MAP3K7: variants seen among roughly 807,000 people sequenced by gnomAD.
The protein encoded by MAP3K7 is mitogen-activated protein kinase kinase kinase 7.
In MAP3K7, 21 loss-of-function variants were observed where a neutral mutation model predicts 84.8. The ratio of observed to expected loss-of-function variants is 0.25; its 90% confidence interval spans 0.18 to 0.36. MAP3K7 has a LOEUF of 0.36. Among genes scored for constraint, MAP3K7 ranks in the 10% least tolerant of loss-of-function variants. The pLI is 1.00. For synonymous variants in MAP3K7, 241 were observed against 247.7 expected (o/e 0.97, Z 0.25); for missense variants, 503 against 747.7 (o/e 0.67, Z 3.82).
chr6:90,518,646 TA>T lies in MAP3K7; in HGVS notation c.1525-85del, dbSNP rs1194461587. On this transcript the variant is annotated intron_variant, in intron 15 of 16. Transcript: ENST00000369329. Reference sequence around the variant, plus strand: ...ATGAGAGTCAAGACAGAGACTGTGATATATTTTTATAGCACTAAAGCAATGA... The same window carrying T: ...ATGAGAGTCAAGACAGAGACTGTGATTATTTTTATAGCACTAAAGCAATGA... The T allele has an allele frequency of 1.4e-4, 98 of 722,746 alleles. 1 individual carries two copies. The Middle Eastern group carries it at 2.0e-3, about 14-fold the overall frequency. 44.8% of individuals were successfully genotyped at this position (722,746 alleles called of 1,614,324 possible).
chr6:90,579,441 C>T (rs575359949), intron 1 of MAP3K7, among the ~76,000 whole-genome samples: 31 of 152,210 alleles, frequency 2.0e-4, no homozygotes, highest in African/African-American at 7.2e-4. Flanking sequence ...AGGGTTCTGT[C>T]CTTGGCCCTT....
At chr6:90,576,575 A>T (rs1777091027) in intron 1 of MAP3K7, among the ~76,000 whole-genome samples, 1 of 152,202 alleles carries the variant, frequency 6.6e-6, no homozygotes, top group Non-Finnish European at 1.5e-5. Flanking sequence ...GCGCTATTTT[A>T]GGCACTGATG....
At chr6:90,574,754 T>G (rs971009518) in intron 1 of MAP3K7, among the ~76,000 whole-genome samples, 1 of 152,158 alleles carries the variant, frequency 6.6e-6, no homozygotes, top group African/African-American at 2.4e-5. Flanking sequence ...CACCTAGTGA[T>G]GAGAGTAGAG....
At chr6:90,573,740 T>A (rs2127985766) in intron 1 of MAP3K7, among the ~76,000 whole-genome samples, 1 of 152,380 alleles carries the variant, frequency 6.6e-6, no homozygotes, top group East Asian at 1.9e-4. Flanking sequence ...GAGCACCTAA[T>A]GATGAACATA....
At chr6:90,533,294 CAA>C (rs1775565250) in intron 13 of MAP3K7, among the ~76,000 whole-genome samples, 2 of 152,170 alleles carry the variant, frequency 1.3e-5, no homozygotes, top group African/African-American at 4.8e-5. Flanking sequence ...GCCCTCTAGC[CAA>C]AGACTGCCAG....
chr6:90,577,569 T>C (rs909553342), intron 1 of MAP3K7, among the ~76,000 whole-genome samples: 1 of 151,616 alleles, frequency 6.6e-6, no homozygotes, highest in Non-Finnish European at 1.5e-5. Context: ...GGAGAAGGAA[T>C]GGGCAAGGAA....
At chr6:90,541,953 AG>A in intron 12 of MAP3K7, among the ~76,000 whole-genome samples, 1 of 152,098 alleles carries the variant, frequency 6.6e-6, no homozygotes, top group Admixed American at 6.6e-5. Flanking sequence ...ACTTGGCCAA[AG>A]GGAAGTATTA....
intron 3 of MAP3K7, among the ~76,000 whole-genome samples, chr6:90,565,790 T>C (rs901335185): frequency 2.0e-5 from 3 of 152,168 alleles, no homozygotes; most frequent in African/African-American, 7.2e-5. Context: ...ATATCCCTGA[T>C]GAACATCGAT....
chr6:90,585,047 C>A (rs939016357), intron 1 of MAP3K7, among the ~76,000 whole-genome samples: 1 of 152,096 alleles, frequency 6.6e-6, no homozygotes, highest in Admixed American at 6.5e-5. Context: ...ACTAGGTTTC[C>A]TAATATGTGT....
intron 1 of MAP3K7, among the ~76,000 whole-genome samples, chr6:90,578,818 C>T (rs1347775679): frequency 1.3e-5 from 2 of 152,112 alleles, no homozygotes; most frequent in Non-Finnish European, 2.9e-5. Context: ...CTTCTCATTC[C>T]TTTCTTCAAG....
chr6:90,555,006 C>T (rs917580810), intron 6 of MAP3K7, among the ~76,000 whole-genome samples: 3 of 152,140 alleles, frequency 2.0e-5, no homozygotes, highest in Non-Finnish European at 2.9e-5. Flanking sequence ...TAAGCTATAA[C>T]CAGAGTCTGA....
intron 2 of MAP3K7, among the ~76,000 whole-genome samples, chr6:90,570,044 A>C (rs1776849238): frequency 6.6e-6 from 1 of 152,110 alleles, no homozygotes. Context: ...TATTTACTAT[A>C]TGAAAATATA....
At chr6:90,530,783 A>T (rs1303202714) in intron 13 of MAP3K7, among the ~76,000 whole-genome samples, 5 of 152,200 alleles carry the variant, frequency 3.3e-5, no homozygotes, top group African/African-American at 9.6e-5. Flanking sequence ...AACACATAAC[A>T]TCTGACAATC....
chr6:90,528,410 A>G (rs1775392671), intron 13 of MAP3K7, among the ~76,000 whole-genome samples: 1 of 152,212 alleles, frequency 6.6e-6, no homozygotes. Context: ...TGTGAGTTCT[A>G]ATTATGCTGT....
At chr6:90,563,781 T>C (rs1776604318) in intron 3 of MAP3K7, among the ~76,000 whole-genome samples, 1 of 151,914 alleles carries the variant, frequency 6.6e-6, no homozygotes, top group African/African-American at 2.4e-5. Context: ...TTCACCAAAG[T>C]TGAAATGAAG....
intron 6 of MAP3K7, among the ~76,000 whole-genome samples, chr6:90,555,554 T>C (rs1776310760): frequency 6.6e-6 from 1 of 152,128 alleles, no homozygotes; most frequent in Non-Finnish European, 1.5e-5. Context: ...CGCGCCCAGC[T>C]ATTTGCATTC....
At chr6:90,581,655 C>T (rs534350756) in intron 1 of MAP3K7, among the ~76,000 whole-genome samples, 4 of 152,246 alleles carry the variant, frequency 2.6e-5, no homozygotes, top group African/African-American at 4.8e-5. Flanking sequence ...TTAAGCTACA[C>T]GTGTACAATG....
chr6:90,577,188 G>A (rs1278639933), intron 1 of MAP3K7, among the ~76,000 whole-genome samples: 1 of 152,220 alleles, frequency 6.6e-6, no homozygotes, highest in African/African-American at 2.4e-5. Context: ...AGGGTTTGCT[G>A]ATGCTCTGCA....
intron 14 of MAP3K7, among the ~76,000 whole-genome samples, chr6:90,519,801 T>G (rs1248412755): frequency 6.6e-6 from 1 of 151,888 alleles, no homozygotes; most frequent in Admixed American, 6.6e-5. Flanking sequence ...CATTTTCAAT[T>G]TATATAGATT....
Sources: gnomAD v4.1 joint callset for allele counts (sites outside exome capture counted in the v4.1 genomes callset) on GRCh38, gnomAD v4.1.1 for gene constraint, MANE v1.5 for transcripts, NCBI Gene and HGNC (gene_info 2026-07-23, HGNC 2026-07-21) for gene names.